The following ITGB4 variants were observed in gnomAD, a reference collection of about 807,000 sequenced individuals.
The protein encoded by ITGB4 is integrin subunit beta 4.
A neutral mutation model predicts 207.6 loss-of-function variants in ITGB4; 159 were observed. The observed-to-expected ratio is 0.77, with a 90% confidence interval of 0.67 to 0.87. The LOEUF (loss-of-function observed/expected upper bound fraction) is 0.87, where lower values mean the gene tolerates loss of function less well. Among genes scored for constraint, ITGB4 ranks in the 40% least tolerant of loss-of-function variants. The pLI is 0.00. For synonymous variants in ITGB4, 1,020 were observed against 1,062.7 expected (o/e 0.96, Z 0.78); for missense variants, 2,278 against 2,546.8 (o/e 0.89, Z 2.27).
Position 75,747,158 on chromosome 17 carries a change from A to G in ITGB4, c.3112-1683A>G, listed in dbSNP as rs572186165. Among the ~76,000 whole-genome samples, 3 of 152,186 alleles carry G rather than the reference A, an allele frequency of 2.0e-5. No homozygotes were observed. In the South Asian group the frequency reaches 6.2e-4, roughly 32 times the overall value. On this transcript the variant is annotated intron_variant, in intron 26 of 39. Coordinates refer to ENST00000200181, the MANE Select transcript of ITGB4 (RefSeq NM_000213.5). ...TAGAGATGTGGACATCTGTATCTTC[A>G]CATTGATTATACTAGTACCTAAAAT... is the stretch of plus-strand genomic sequence containing the variant.
At position 75,730,402 on chromosome 17, in the gene ITGB4, G is replaced by T; in HGVS notation, c.900G>T (p.Arg300Ser). 1 of 1,614,022 alleles carries T rather than the reference G, an allele frequency of 6.2e-7. No individual in the cohort carries two copies. The highest frequency in any genetic ancestry group is 8.5e-7 in the Non-Finnish European group (1 of 1,180,028). The change falls in exon 8 of 40, where the codon AGG becomes AGT. Residue 300 changes from arginine to serine, a missense_variant. By Grantham distance (110) the Arg-to-Ser change is moderately radical. Coordinates refer to ENST00000200181, the MANE Select transcript of ITGB4 (RefSeq NM_000213.5). ...LDTTGTYTQYRTQDYPSVPTL... is the reference protein window; with the variant it reads ...LDTTGTYTQYSTQDYPSVPTL... ...CCACGGGCACCTACACCCAGTACAG[G>T]ACACAGGACTACCCGTCGGTGCCCA... is the stretch of plus-strand genomic sequence containing the variant.
Position 75,756,293 on chromosome 17 carries a change from C to G in ITGB4, c.4709-136C>G, listed in dbSNP as rs950674899. 29 of 893,346 alleles carry G rather than the reference C, an allele frequency of 3.2e-5. No homozygotes were observed. In the Middle Eastern group the frequency reaches 7.3e-4, roughly 22 times the overall value. The allele number at this position is 893,346 out of a possible 1,614,324, so 55.3% of individuals were successfully genotyped here. A position where few individuals can be genotyped will look rare whatever the true frequency, so the allele number is the denominator to read the frequency against. ...GAACAACCAGCCATACCATACTGTA[C>G]CCAACCTGTACCCAAACCACAGCTA... On this transcript the variant is annotated intron_variant, in intron 35 of 39. Transcript: ENST00000200181.
At position 75,742,541 on chromosome 17, in the gene ITGB4, C is replaced by T; in HGVS notation, c.2783-41C>T. ...TGCCTCGCACCTCCCGCCTGTGTGGCCCTGTGACCCACCTCTGACCACCTC... is the reference window on the plus strand; with the variant it reads ...TGCCTCGCACCTCCCGCCTGTGTGGTCCTGTGACCCACCTCTGACCACCTC... On this transcript the variant is annotated intron_variant, in intron 24 of 39. Coordinates refer to ENST00000200181, the MANE Select transcript of ITGB4 (RefSeq NM_000213.5). The surrounding 1 kb of genome is among the most constrained non-coding windows in gnomAD (Gnocchi z 5.9). The T allele has an allele frequency of 2.5e-6, 4 of 1,613,492 alleles. No homozygotes were observed. Among genetic ancestry groups the T allele is most frequent in the South Asian group, 1.1e-5 (1 of 91,074 alleles).
At position 75,740,139 on chromosome 17, in the gene ITGB4, TCA is replaced by T; in HGVS notation, c.2446+71_2446+72del. 1.3e-6 allele frequency: 2 copies of T among 1,494,854 alleles called. No homozygotes were observed. Among genetic ancestry groups the T allele is most frequent in the Non-Finnish European group, 1.8e-6 (2 of 1,103,300 alleles). The allele number at this position is 1,494,854 out of a possible 1,614,324, so 92.6% of individuals were successfully genotyped here. A position where few individuals can be genotyped will look rare whatever the true frequency, so the allele number is the denominator to read the frequency against. On this transcript the variant is annotated intron_variant, in intron 20 of 39. Coordinates refer to ENST00000200181, the MANE Select transcript of ITGB4 (RefSeq NM_000213.5). This position sits in a 1 kb window ranked among gnomAD's most constrained non-coding sequence, Gnocchi z 5.9. ...CGGGCCCTCTGTTCCAGATCTGGGA[TCA>T]CAGCATGCCTCTTCTCTGGGTGTGG...
At position 75,731,812 on chromosome 17, in the gene ITGB4, G is replaced by T. The variant is rs1030386972; in HGVS notation, c.1216G>T (p.Gly406Cys). 11 of 1,587,512 alleles carry T rather than the reference G, an allele frequency of 6.9e-6. No individual in the cohort carries two copies. In the East Asian group the frequency reaches 1.2e-4, roughly 17 times the overall value. ...GSFHIRRGEV[G>C]IYQVQLRALE... is the part of the protein sequence containing the mutation. ...TTGGCTGACCACGGGGCCCCTGCAG[G>T]GTATATACCAGGTGCAGCTGCGGGC... Residue 406 changes from glycine (G) to cysteine (C), a missense_variant and splice_region_variant, in exon 11 of 40, where the codon GGT becomes TGT. Gly to Cys is a radical substitution (Grantham distance 159). Coordinates refer to ENST00000200181, the MANE Select transcript of ITGB4 (RefSeq NM_000213.5). The surrounding 1 kb of genome is among the most constrained non-coding windows in gnomAD (Gnocchi z 6.8).
intron 35 of ITGB4, 63 bp downstream of exon 35, chr17:75,755,913 A>C (rs2061488791): frequency 6.4e-7 from 1 of 1,555,996 alleles, no homozygotes; most frequent in Non-Finnish European, 8.7e-7. Context: ...CCAGTGTGAC[A>C]CATAGGGTAC....
chr17:75,754,646 G>T lies in ITGB4; in HGVS notation c.4389G>T (p.Thr1463=), dbSNP rs574417789. 4 of 1,613,982 alleles carry T rather than the reference G, an allele frequency of 2.5e-6. No homozygotes were observed. The highest frequency in any genetic ancestry group is 1.6e-4 in the Middle Eastern group (1 of 6,062). Residue 1463 remains threonine (T), a synonymous_variant, in exon 34 of 40, where the codon ACG becomes ACT. Coordinates refer to ENST00000200181, the MANE Select transcript of ITGB4 (RefSeq NM_000213.5). ...GSTNSLHRMT[T]TSAAAYGTHL... ...CCAACTCCCTGCACAGGATGACCAC[G>T]ACCAGTGCTGCTGCCTATGGCACCC...
intron 37 of ITGB4, 25 bp downstream of exon 37, chr17:75,756,884 G>A: frequency 6.2e-7 from 1 of 1,612,176 alleles, no homozygotes; most frequent in Non-Finnish European, 8.5e-7. Flanking sequence ...GGGGGCAGGA[G>A]TGGCCAGGGG....
rs745401112 is a variant in ITGB4, at chr17:75,750,183, C to T, written c.3389C>T (p.Pro1130Leu). ...QPPPHGDLGA[P>L]QNPNAKAAGS... ...CCCCCTCACGGCGACCTGGGCGCCC[C>T]GCAGAACCCCAATGCTAAGGCCGCT... The change falls in exon 28 of 40, where the codon CCG becomes CTG. Residue 1130 changes from proline to leucine, a missense_variant. Pro to Leu is a moderately conservative substitution (Grantham distance 98, BLOSUM62 -3). Coordinates refer to ENST00000200181, the MANE Select transcript of ITGB4 (RefSeq NM_000213.5). The surrounding 1 kb of genome is among the most constrained non-coding windows in gnomAD (Gnocchi z 5.5). 14 of 1,613,882 alleles carry T rather than the reference C, an allele frequency of 8.7e-6. No individual in the cohort carries two copies. The highest frequency in any genetic ancestry group is 1.2e-5 in the Non-Finnish European group (14 of 1,180,040).
Position 75,729,473 on chromosome 17 carries a change from G to C in ITGB4, c.738+37G>C, listed in dbSNP as rs1247736387. On this transcript the variant is annotated intron_variant, in intron 7 of 39. Transcript: ENST00000200181. The surrounding 1 kb of genome is among the most constrained non-coding windows in gnomAD (Gnocchi z 4.4). ...GAAGGGTGCTGCCAGCCTAGGCCAGGGGTGAGCACTTCTGGGCAAGGGCCT... is the reference window on the plus strand; with the variant it reads ...GAAGGGTGCTGCCAGCCTAGGCCAGCGGTGAGCACTTCTGGGCAAGGGCCT... 1.2e-6 allele frequency: 2 copies of C among 1,605,336 alleles called. No homozygotes were observed. The highest frequency in any genetic ancestry group is 2.2e-5 in the East Asian group (1 of 44,626).
At chr17:75,728,585 A>G in intron 6 of ITGB4, 112 bp downstream of exon 6, 1 of 849,458 alleles carries the variant, frequency 1.2e-6, no homozygotes, top group Non-Finnish European at 1.9e-6. Flanking sequence ...ACGGTGGCTC[A>G]TGCCTGTAAT....
At chr17:75,746,567 T>A (rs1030053582) in intron 26 of ITGB4, among the ~76,000 whole-genome samples, 1 of 145,580 alleles carries the variant, frequency 6.9e-6, no homozygotes, top group African/African-American at 2.5e-5. Flanking sequence ...TTTCGCCATG[T>A]TGCCCAGGCT....
Position 75,729,305 on chromosome 17 carries a change from T to C in ITGB4, c.607T>C (p.Phe203Leu). The change falls in exon 7 of 40, where the codon TTC becomes CTC. Residue 203 changes from phenylalanine (F) to leucine (L), a missense_variant. Coordinates refer to ENST00000200181, the MANE Select transcript of ITGB4 (RefSeq NM_000213.5). The surrounding 1 kb of genome is among the most constrained non-coding windows in gnomAD (Gnocchi z 4.4). The part of the protein sequence containing the change: ...PWPNSDPPFS[F>L]KNVISLTEDV... ...GCCCAACAGTGACCCCCCCTTCTCC[T>C]TCAAGAACGTCATCAGCCTGACAGA... 2 of 1,614,114 alleles carry C rather than the reference T, an allele frequency of 1.2e-6. No individual in the cohort carries two copies. Among genetic ancestry groups the C allele is most frequent in the Non-Finnish European group, 1.7e-6 (2 of 1,180,010 alleles).
rs2148478242 is a variant in ITGB4 at position 75,731,125 on chromosome 17, G to C, written c.1093-121G>C. 3.2e-6 allele frequency: 5 copies of C among 1,548,006 alleles called. No homozygotes were observed. Among genetic ancestry groups the C allele is most frequent in the Admixed American group, 3.5e-5 (2 of 57,108 alleles). ...TCCCTGAGGCCCCGAGGGGCCACCT[G>C]GGCCTGGCCCTGGCTCCTGCAGGCT... On this transcript the variant is annotated intron_variant, in intron 9 of 39. Coordinates refer to ENST00000200181, the MANE Select transcript of ITGB4 (RefSeq NM_000213.5). This position sits in a 1 kb window ranked among gnomAD's most constrained non-coding sequence, Gnocchi z 6.8.
Position 75,756,502 on chromosome 17 carries a change from C to G in ITGB4, c.4782C>G (p.His1594Gln), listed in dbSNP as rs1047744713. The G allele has an allele frequency of 6.2e-7, 1 of 1,613,296 alleles. No homozygotes were observed. The highest frequency in any genetic ancestry group is 8.5e-7 in the Non-Finnish European group (1 of 1,180,032). The change falls in exon 36 of 40, where the codon CAC (histidine) becomes CAG (glutamine). Residue 1594 changes from histidine to glutamine, a missense_variant. His to Gln is a conservative substitution (Grantham distance 24). Coordinates refer to ENST00000200181, the MANE Select transcript of ITGB4 (RefSeq NM_000213.5). ...SVVVEDLLPNHSYVFRVRAQS... is the reference protein window; with the variant it reads ...SVVVEDLLPNQSYVFRVRAQS... ...TGGTGGAAGACCTCCTGCCCAACCA[C>G]TCCTACGTGTTCCGCGTGCGGGCCC...
chr17:75,743,788 T>C lies in ITGB4; in HGVS notation c.3038T>C (p.Ile1013Thr). ...RGDQVARIPV[I>T]RRVLDGGKSQ... ...GACCAGGTGGCCCGCATCCCTGTCA[T>C]CCGGCGTGTCCTGGACGGCGGGAAG... Residue 1013 changes from isoleucine (I) to threonine (T), a missense_variant, in exon 26 of 40, where the codon ATC becomes ACC. Ile to Thr is a moderately conservative substitution (Grantham distance 89, BLOSUM62 -1). Transcript: ENST00000200181. 1 of 1,613,282 alleles carries C rather than the reference T, an allele frequency of 6.2e-7. No individual in the cohort carries two copies.
intron 32 of ITGB4, among the ~76,000 whole-genome samples, chr17:75,753,173 T>C (rs2061407112): frequency 6.6e-6 from 1 of 152,170 alleles, no homozygotes; most frequent in African/African-American, 2.4e-5. Flanking sequence ...CTGGGGCACG[T>C]ATATCTTTTG....
chr17:75,740,965 C>T lies in ITGB4; in HGVS notation c.2610-17C>T, dbSNP rs1303982950. 1 of 1,613,896 alleles carries T rather than the reference C, an allele frequency of 6.2e-7. No individual in the cohort carries two copies. The highest frequency in any genetic ancestry group is 8.5e-7 in the Non-Finnish European group (1 of 1,180,034). On this transcript the variant is annotated splice_polypyrimidine_tract_variant and intron_variant, in intron 22 of 39. Transcript: ENST00000200181. The surrounding 1 kb of genome is among the most constrained non-coding windows in gnomAD (Gnocchi z 5.9). Reference sequence around the variant, plus strand: ...TTCAGGGCTATCTAGCTCACAGCGCCCTCTTTGTCCCCACAGGCAGCAGCC... The same window carrying T: ...TTCAGGGCTATCTAGCTCACAGCGCTCTCTTTGTCCCCACAGGCAGCAGCC...
At chr17:75,748,289 G>C (rs554688869) in intron 26 of ITGB4, among the ~76,000 whole-genome samples, 3 of 151,982 alleles carry the variant, frequency 2.0e-5, no homozygotes, top group African/African-American at 7.2e-5. Flanking sequence ...CTGAGCCCAG[G>C]AGGTCAAGGC....
Sources: allele counts gnomAD v4.1 joint callset (sites outside exome capture counted in the v4.1 genomes callset), GRCh38; gene constraint gnomAD v4.1.1; non-coding constraint Gnocchi (gnomAD v3.1); transcripts MANE v1.5; gene names NCBI Gene and HGNC (gene_info 2026-07-23, HGNC 2026-07-21).